Variants in KIAA0586 observed in about 807,000 individuals in gnomAD.
KIAA0586 encodes the protein KIAA0586, also known as protein TALPID3.
KIAA0586 carries 144 observed loss-of-function variants against 169.8 expected under a neutral mutation model. The ratio of observed to expected loss-of-function variants is 0.85; its 90% CI spans 0.74 to 0.97. KIAA0586 has a LOEUF of 0.97. KIAA0586 is among the 50% of genes least tolerant of loss of function. The probability of loss-of-function intolerance (pLI) is 0.00; values close to 1 mark genes in which losing one functional copy is unlikely to be tolerated. For missense variants in KIAA0586, 1,854 were observed against 1,823.0 expected, an observed-to-expected ratio of 1.02 and a Z score of -0.31; for synonymous variants, 625 against 612.4, an observed-to-expected ratio of 1.02 and a Z score of -0.30.
At chr14:58,462,372 C>T (rs375597388) in intron 14 of KIAA0586, among the ~76,000 whole-genome samples, 16 of 151,778 alleles carry the variant, frequency 1.1e-4, no homozygotes, top group Admixed American at 4.6e-4. Context: ...CTCAGCCTCC[C>T]GAGTAGCTGG....
At chr14:58,517,382 ACAT>A (rs2044841698) in intron 29 of KIAA0586, among the ~76,000 whole-genome samples, 1 of 152,344 alleles carries the variant, frequency 6.6e-6, no homozygotes, top group Admixed American at 6.5e-5. Context: ...AAATTGTTCA[ACAT>A]CATTAGTAAT....
intron 20 of KIAA0586, among the ~76,000 whole-genome samples, chr14:58,481,569 AGT>A (rs1216675402): frequency 9.9e-5 from 15 of 152,258 alleles, no homozygotes; most frequent in Middle Eastern, 6.8e-3. Context: ...TGGAAATGTG[AGT>A]TGTATTCAGA....
At chr14:58,532,755 A>C (rs988326399) in intron 29 of KIAA0586, among the ~76,000 whole-genome samples, 3 of 152,224 alleles carry the variant, frequency 2.0e-5, no homozygotes, top group Admixed American at 6.5e-5. Context: ...TTTTAATTGG[A>C]ATAAATACAG....
chr14:58,462,492 A>G (rs2040410421), intron 14 of KIAA0586, among the ~76,000 whole-genome samples: 1 of 152,118 alleles, frequency 6.6e-6, no homozygotes, highest in African/African-American at 2.4e-5. Flanking sequence ...ACCTCAGGTG[A>G]TCCACCCGCC....
chr14:58,545,669 T>G (rs890759944), intron 30 of KIAA0586, among the ~76,000 whole-genome samples: 4 of 152,176 alleles, frequency 2.6e-5, no homozygotes, highest in Admixed American at 2.0e-4. Flanking sequence ...ATCATGGCTT[T>G]GTAAAATATA....
rs539793095 is a variant in KIAA0586 at position 58,512,347 on chromosome 14, T to G, written c.4324-175T>G. On this transcript the variant is annotated intron_variant, in intron 28 of 30. Coordinates refer to ENST00000652326, the MANE Select transcript of KIAA0586 (RefSeq NM_001329943.3). ...TTTTGCAACGTCTTTTCTTTTGTAA[T>G]AGGTACCTCATCACCTATTTATTGG... is the stretch of plus-strand genomic sequence containing the variant. Among the ~76,000 whole-genome samples the G allele has an allele frequency of 6.8e-4, 103 of 152,198 alleles. No homozygotes were observed. Among genetic ancestry groups the G allele is most frequent in the Non-Finnish European group, 7.1e-4 (48 of 67,952 alleles).
At chr14:58,518,571 G>T (rs1003764575) in intron 29 of KIAA0586, among the ~76,000 whole-genome samples, 2 of 152,198 alleles carry the variant, frequency 1.3e-5, no homozygotes, top group African/African-American at 4.8e-5. Context: ...AATATAATGT[G>T]TAATCAACAC....
intron 4 of KIAA0586, among the ~76,000 whole-genome samples, chr14:58,435,709 C>T (rs1311268691): frequency 6.6e-6 from 1 of 152,002 alleles, no homozygotes; most frequent in Non-Finnish European, 1.5e-5. Flanking sequence ...ATGATACATT[C>T]CTTTTTTGTT....
In KIAA0586 at chr14:58,549,533, A is replaced by C. The variant is rs984266235; in HGVS notation, c.*1601A>C. On this transcript the variant is annotated 3_prime_UTR_variant, in exon 31 of 31. Transcript: ENST00000652326. ...GTCAGCCTTCCACATGCACTTCCTC[A>C]CAGCTTCTCTCAGGTATTTGGTTAC... The C allele has an allele frequency of 2.0e-5, 3 of 152,026 alleles. No homozygotes were observed. The highest frequency in any genetic ancestry group is 4.4e-5 in the Non-Finnish European group (3 of 68,014). 9.4% of individuals were successfully genotyped at this position (152,026 alleles called of 1,614,324 possible). A position where few individuals can be genotyped will look rare whatever the true frequency, so the allele number is the denominator to read the frequency against.
chr14:58,433,173 TCTC>T (rs1202318815), intron 4 of KIAA0586: 2 of 152,240 alleles, frequency 1.3e-5, no homozygotes, highest in Non-Finnish European at 2.9e-5. Context: ...TTCAAACAAT[TCTC>T]CTGCCTCAGC....
chr14:58,475,537 A>G (rs1196721865), intron 19 of KIAA0586, among the ~76,000 whole-genome samples: 1 of 152,182 alleles, frequency 6.6e-6, no homozygotes, highest in African/African-American at 2.4e-5. Flanking sequence ...ACTGATAACA[A>G]CAAGCTGTAA....
In KIAA0586 at chr14:58,488,012, TCAAGCCCAGAGCTTCC is replaced by T; in HGVS notation, c.3437_3452del (p.Pro1146HisfsTer27). On this transcript the variant is annotated frameshift_variant, in exon 23 of 31. Coordinates refer to ENST00000652326, the MANE Select transcript of KIAA0586 (RefSeq NM_001329943.3). LOFTEE classifies it high-confidence loss of function. ...TATTTCCATTGATAAATTGAAGGTA[TCAAGCCCAGAGCTTCC>T]CAAGCCATGGGGTGATGGAGACCTG... 6.2e-7 allele frequency: 1 copy of T among 1,611,738 alleles called. No individual in the cohort carries two copies. The highest frequency in any genetic ancestry group is 8.5e-7 in the Non-Finnish European group (1 of 1,178,972).
intron 3 of KIAA0586, 136 bp downstream of exon 3, chr14:58,430,853 GA>G: frequency 1.7e-6 from 1 of 573,832 alleles, no homozygotes; most frequent in South Asian, 2.5e-5. Flanking sequence ...TTCATATCCA[GA>G]GCTTTGTCAT....
chr14:58,516,735 A>G (rs553694635), intron 29 of KIAA0586, among the ~76,000 whole-genome samples: 15 of 152,352 alleles, frequency 9.8e-5, no homozygotes, highest in Non-Finnish European at 2.2e-4. Context: ...ATTATACTAT[A>G]TAACTCTAAG....
At chr14:58,444,435 A>AT (rs1281002671) in intron 6 of KIAA0586, among the ~76,000 whole-genome samples, 1 of 151,642 alleles carries the variant, frequency 6.6e-6, no homozygotes, top group Non-Finnish European at 1.5e-5. Flanking sequence ...TTTATTATTT[A>AT]TTTTTTGAGA....
chr14:58,453,270 G>A, intron 8 of KIAA0586, 80 bp from the exon 9 acceptor site: 1 of 793,266 alleles, frequency 1.3e-6, no homozygotes. Context: ...ACTTAGGCCA[G>A]AATACAAATA....
In KIAA0586 at chr14:58,456,927, T is replaced by C. The variant is rs372684566; in HGVS notation, c.1362+117T>C. 10 of 645,948 alleles carry C rather than the reference T, an allele frequency of 1.5e-5. 1 individual carries two copies. Among genetic ancestry groups the C allele is most frequent in the South Asian group, 4.0e-5 (2 of 50,388 alleles). The allele number at this position is 645,948 out of a possible 1,614,324, so 40.0% of individuals were successfully genotyped here. ...GATGAAGAAAAAGCACTGAAAAAGA[T>C]ATGTCAGCCACATCTGTTCCATTTA... On this transcript the variant is annotated intron_variant, in intron 10 of 30. Transcript: ENST00000652326.
At chr14:58,560,966 A>C in the KIAA0586 span, among the ~76,000 whole-genome samples, 2 of 152,248 alleles carry the variant, frequency 1.3e-5, no homozygotes, top group Non-Finnish European at 2.9e-5. Context: ...AGGGGCATAT[A>C]GTTCCCAAAG....
At chr14:58,471,960 G>A (rs2041252765) in intron 17 of KIAA0586, among the ~76,000 whole-genome samples, 1 of 152,066 alleles carries the variant, frequency 6.6e-6, no homozygotes, top group South Asian at 2.1e-4. Context: ...TATTGCTGAT[G>A]GAGTCCTTTA....
Sources: gnomAD v4.1 joint callset for allele counts (sites outside exome capture counted in the v4.1 genomes callset) on GRCh38, gnomAD v4.1.1 for gene constraint, MANE v1.5 for transcripts, NCBI Gene and HGNC (gene_info 2026-07-23, HGNC 2026-07-21) for gene names.